The following SORCS3 variants were observed in gnomAD, a reference collection of about 807,000 sequenced individuals.
SORCS3 encodes the protein sortilin related VPS10 domain containing receptor 3.
A neutral mutation model predicts 146.3 loss-of-function variants in SORCS3; 57 were observed. The observed-to-expected ratio is 0.39, with a 90% CI of 0.31 to 0.49. SORCS3 has a LOEUF of 0.49. Ranked by LOEUF, SORCS3 falls within the 20% of genes least tolerant of loss-of-function variation. The pLI is 0.92. For missense variants in SORCS3, 1,341 were observed against 1,575.5 expected, an observed-to-expected ratio of 0.85 and a Z score of 2.52; for synonymous variants, 653 against 618.5, an observed-to-expected ratio of 1.06 and a Z score of -0.83.
In SORCS3 at chr10:104,845,729, A is replaced by G. The variant is rs529170730; in HGVS notation, c.695+2870A>G. 7.2e-5 allele frequency among the ~76,000 whole-genome samples: 11 copies of G among 152,262 alleles called. No homozygotes were observed. In the East Asian group the frequency reaches 1.2e-3, roughly 16 times the overall value. On this transcript the variant is annotated intron_variant, in intron 2 of 26. Transcript: ENST00000369701. Reference sequence around the variant, plus strand: ...AATGTTGTCCCTTGTGCTAGTTGGGAGGAATTGAAATACCAATTTCTGTCT... The same window carrying G: ...AATGTTGTCCCTTGTGCTAGTTGGGGGGAATTGAAATACCAATTTCTGTCT...
chr10:105,257,827 C>T (rs2170882), intron 25 of SORCS3, among the ~76,000 whole-genome samples: 34,874 of 152,028 alleles, frequency 0.23, 4,074 homozygotes, highest in South Asian at 0.3. Flanking sequence ...AAGCACATGC[C>T]TGCCAAAGAT....
chr10:105,011,628 A>T (rs1187406071), intron 4 of SORCS3, among the ~76,000 whole-genome samples: 1 of 152,146 alleles, frequency 6.6e-6, no homozygotes, highest in South Asian at 2.1e-4. Flanking sequence ...GAGGTGAGGT[A>T]GTGTGTCTCC....
chr10:104,888,426 G>A (rs1403500830), intron 2 of SORCS3, among the ~76,000 whole-genome samples: 1 of 152,156 alleles, frequency 6.6e-6, no homozygotes, highest in Non-Finnish European at 1.5e-5. Context: ...ATGTGAAGTG[G>A]CCCAGTAGGA....
intron 4 of SORCS3, among the ~76,000 whole-genome samples, chr10:105,002,508 T>C (rs1279009112): frequency 6.6e-6 from 1 of 152,186 alleles, no homozygotes; most frequent in African/African-American, 2.4e-5. Flanking sequence ...AATAAGGTAG[T>C]GAAGAGGTGA....
At chr10:104,937,190 G>C (rs2019268420) in intron 3 of SORCS3, among the ~76,000 whole-genome samples, 2 of 152,180 alleles carry the variant, frequency 1.3e-5, no homozygotes, top group African/African-American at 4.8e-5. Flanking sequence ...TCTGACAGGA[G>C]GCGGAGCTCA....
intron 11 of SORCS3, 37 bp downstream of exon 11, chr10:105,159,031 G>A (rs773291093): frequency 6.8e-7 from 1 of 1,463,764 alleles, no homozygotes; most frequent in South Asian, 1.2e-5. Context: ...TCCTTACTGA[G>A]AGTGTCTAGA....
chr10:104,820,790 T>C (rs2017863661), intron 1 of SORCS3, among the ~76,000 whole-genome samples: 1 of 152,204 alleles, frequency 6.6e-6, no homozygotes, highest in African/African-American at 2.4e-5. Context: ...AATATTAGTA[T>C]TACAATACAA....
At chr10:105,246,357 C>G (rs1191090332) in intron 21 of SORCS3, among the ~76,000 whole-genome samples, 1 of 151,866 alleles carries the variant, frequency 6.6e-6, no homozygotes, top group Admixed American at 6.6e-5. Flanking sequence ...AGTTTGATTT[C>G]TTTAATGGTA....
chr10:104,961,623 G>T (rs575623457), intron 3 of SORCS3, among the ~76,000 whole-genome samples: 1 of 152,278 alleles, frequency 6.6e-6, no homozygotes, highest in African/African-American at 2.4e-5. Flanking sequence ...TTCTACAAAA[G>T]AATAATATGA....
At chr10:104,751,075 G>A (rs1319647525) in intron 1 of SORCS3, among the ~76,000 whole-genome samples, 2 of 152,024 alleles carry the variant, frequency 1.3e-5, no homozygotes, top group Admixed American at 1.3e-4. Flanking sequence ...GAAAGAGAGG[G>A]CAAAAAAGAG....
chr10:104,915,190 A>C (rs1016791439), intron 2 of SORCS3, among the ~76,000 whole-genome samples: 2 of 152,090 alleles, frequency 1.3e-5, no homozygotes, highest in African/African-American at 4.8e-5. Context: ...GGATCATTGG[A>C]GTGATGAACC....
intron 3 of SORCS3, among the ~76,000 whole-genome samples, chr10:104,966,348 A>G (rs375016393): frequency 2.8e-4 from 43 of 152,300 alleles, no homozygotes; most frequent in African/African-American, 8.4e-4. Context: ...CTTATCAATT[A>G]TATCAGTGGG....
intron 11 of SORCS3, 46 bp downstream of exon 11, chr10:105,159,040 G>C (rs761114689): frequency 7.1e-7 from 1 of 1,406,526 alleles, no homozygotes; most frequent in South Asian, 1.2e-5. Flanking sequence ...AGAGTGTCTA[G>C]AATAAATTTG....
chr10:104,698,655 T>C (rs1446471147), intron 1 of SORCS3, among the ~76,000 whole-genome samples: 1 of 152,172 alleles, frequency 6.6e-6, no homozygotes, highest in Non-Finnish European at 1.5e-5. Context: ...AGACCCATTA[T>C]TGAACAAATG....
At chr10:105,034,488 C>T (rs1451891819) in intron 4 of SORCS3, among the ~76,000 whole-genome samples, 2 of 152,092 alleles carry the variant, frequency 1.3e-5, no homozygotes, top group African/African-American at 4.8e-5. Flanking sequence ...AGAGGGTAAA[C>T]ATCAGTGTTA....
chr10:104,951,503 T>A (rs1049670531), intron 3 of SORCS3, among the ~76,000 whole-genome samples: 2 of 151,952 alleles, frequency 1.3e-5, no homozygotes, highest in Non-Finnish European at 2.9e-5. Context: ...AATTTTTATT[T>A]TTTTTGTTTT....
chr10:104,707,684 C>A lies in SORCS3; in HGVS notation c.627+65730C>A, dbSNP rs2016352693. Among the ~76,000 whole-genome samples, 3 of 152,154 alleles carry A rather than the reference C, an allele frequency of 2.0e-5. No individual in the cohort carries two copies. In the South Asian group the frequency reaches 6.2e-4, roughly 31 times the overall value. On this transcript the variant is annotated intron_variant, in intron 1 of 26. Coordinates refer to ENST00000369701, the MANE Select transcript of SORCS3 (RefSeq NM_014978.3). The stretch of plus-strand genomic sequence containing the variant: ...TATCCCATGCAGGGGTTGAGATACC[C>A]TGGGCAGTTTGTTTCACCTGCCTTT...
At chr10:104,743,318 A>G (rs1049866178) in intron 1 of SORCS3, among the ~76,000 whole-genome samples, 13 of 152,220 alleles carry the variant, frequency 8.5e-5, no homozygotes, top group South Asian at 4.1e-4. Flanking sequence ...AGTTGCACCT[A>G]GTTTTACATG....
Position 105,093,357 on chromosome 10 carries a change from A to G in SORCS3, c.1093+3518A>G, listed in dbSNP as rs191648917. Among the ~76,000 whole-genome samples, 1,383 of 152,286 alleles carry G rather than the reference A, an allele frequency of 9.1e-3. 16 individuals are homozygous for G. The highest frequency in any genetic ancestry group is 0.031 in the African/African-American group (1,293 of 41,580). ...AGGGGAAAATTTTTATGACCTTGGG[A>G]TGGACAGAGTTTTTTAAAATTACAC... On this transcript the variant is annotated intron_variant, in intron 6 of 26. Coordinates refer to ENST00000369701, the MANE Select transcript of SORCS3 (RefSeq NM_014978.3).
Sources: gnomAD v4.1 joint callset for allele counts (sites outside exome capture counted in the v4.1 genomes callset) on GRCh38, gnomAD v4.1.1 for gene constraint, MANE v1.5 for transcripts, NCBI Gene and HGNC (gene_info 2026-07-23, HGNC 2026-07-21) for gene names.